Variants in AFF3 observed in about 807,000 individuals in gnomAD.
AFF3 encodes ALF transcription elongation factor 3.
In AFF3, 32 loss-of-function variants were observed where a neutral mutation model predicts 129.7. The observed-to-expected ratio is 0.25, with a 90% CI of 0.19 to 0.33. The LOEUF (loss-of-function observed/expected upper bound fraction) is 0.33, where lower values mean the gene tolerates loss of function less well. Among genes scored for constraint, AFF3 ranks in the 10% least tolerant of loss-of-function variants. AFF3 has a pLI of 1.00. For synonymous variants in AFF3, 644 were observed against 635.4 expected (o/e 1.01, Z -0.20); for missense variants, 1,373 against 1,592.0 (o/e 0.86, Z 2.34).
At chr2:99,988,390 T>C (rs1295282727) in intron 7 of AFF3, among the ~76,000 whole-genome samples, 3 of 152,266 alleles carry the variant, frequency 2.0e-5, no homozygotes, top group Middle Eastern at 3.4e-3. Context: ...ACAGTCAAGC[T>C]CTGAGTAGCT....
intron 7 of AFF3, among the ~76,000 whole-genome samples, chr2:99,917,119 G>T (rs1449286830): frequency 2.6e-5 from 4 of 152,162 alleles, no homozygotes; most frequent in South Asian, 4.1e-4. Flanking sequence ...GCAGATAAGG[G>T]TTTAATAAAG....
intron 7 of AFF3, among the ~76,000 whole-genome samples, chr2:99,854,259 A>G (rs1690360619): frequency 6.6e-6 from 1 of 152,096 alleles, no homozygotes; most frequent in Non-Finnish European, 1.5e-5. Flanking sequence ...AAAAAAAAAA[A>G]AAAAAGGAAT....
At chr2:100,105,347 C>G (rs1490392385) in intron 3 of AFF3, 157 bp downstream of exon 3, 3 of 1,237,460 alleles carry the variant, frequency 2.4e-6, no homozygotes, top group African/African-American at 1.6e-5. Flanking sequence ...TTTAAGGTCT[C>G]TGGAGCCCGC....
In AFF3 at chr2:99,593,738, C is replaced by T. The variant is rs1269896879; in HGVS notation, c.1923G>A (p.Leu641=). 1 of 1,612,958 alleles carries T rather than the reference C, an allele frequency of 6.2e-7. No individual in the cohort carries two copies. Among genetic ancestry groups the T allele is most frequent in the South Asian group, 1.1e-5 (1 of 91,012 alleles). ...GNNRASHRKE[L]RSSVTCEKRR... is the part of the protein sequence containing the mutation. ...GCTTCTCGCAGGTCACGGAGGAGCG[C>T]AGCTCCTTGCGGTGGCTCGCTCTGT... Residue 641 remains leucine (L), a synonymous_variant, in exon 15 of 25, where the codon CTG becomes CTA. Transcript: ENST00000672756.
At chr2:99,696,331 C>T (rs1676263538) in intron 11 of AFF3, among the ~76,000 whole-genome samples, 1 of 152,192 alleles carries the variant, frequency 6.6e-6, no homozygotes, top group Non-Finnish European at 1.5e-5. Flanking sequence ...GATTTACACA[C>T]AGGGAGCAGA....
intron 7 of AFF3, among the ~76,000 whole-genome samples, chr2:99,872,826 T>C (rs1691986445): frequency 1.3e-5 from 2 of 152,126 alleles, no homozygotes; most frequent in Admixed American, 1.3e-4. Context: ...ACTGATCTCA[T>C]CAAAAAAATT....
At chr2:99,961,819 G>A (rs1353115319) in intron 7 of AFF3, among the ~76,000 whole-genome samples, 1 of 152,232 alleles carries the variant, frequency 6.6e-6, no homozygotes, top group Non-Finnish European at 1.5e-5. Context: ...GGCAGTCCCG[G>A]TAAGTGCATT....
intron 11 of AFF3, among the ~76,000 whole-genome samples, chr2:99,703,834 T>C (rs1364591594): frequency 6.6e-6 from 1 of 152,244 alleles, no homozygotes; most frequent in Non-Finnish European, 1.5e-5. Context: ...GCACTGGGAT[T>C]ACAGGCATGA....
At chr2:99,651,531 TC>T (rs1685255939) in intron 12 of AFF3, among the ~76,000 whole-genome samples, 1 of 151,896 alleles carries the variant, frequency 6.6e-6, no homozygotes, top group Non-Finnish European at 1.5e-5. Flanking sequence ...AACCTCTGCC[TC>T]CCAGGTTCAA....
chr2:99,781,389 T>C (rs531445415), intron 8 of AFF3, among the ~76,000 whole-genome samples: 1 of 152,346 alleles, frequency 6.6e-6, no homozygotes, highest in East Asian at 1.9e-4. Flanking sequence ...CTGTTTATTA[T>C]CTCCCCTTGC....
intron 4 of AFF3, among the ~76,000 whole-genome samples, chr2:100,020,730 CA>C (rs1345806350): frequency 6.6e-6 from 1 of 152,192 alleles, no homozygotes; most frequent in Non-Finnish European, 1.5e-5. Context: ...CATACTTGTC[CA>C]ACTCTCTCCT....
At chr2:99,984,159 G>A (rs994318116) in intron 7 of AFF3, among the ~76,000 whole-genome samples, 1 of 152,122 alleles carries the variant, frequency 6.6e-6, no homozygotes, top group Non-Finnish European at 1.5e-5. Context: ...AATTTAAAAT[G>A]TGAAACTTCA....
intron 9 of AFF3, among the ~76,000 whole-genome samples, chr2:99,750,413 CTTTTCT>C (rs1367026504): frequency 6.8e-4 from 7 of 10,222 alleles, no homozygotes; most frequent in South Asian, 0.01. Flanking sequence ...TTTTTTTTTT[CTTTTCT>C]TTTTTTTTTT....
At chr2:99,983,165 G>C (rs934157889) in intron 7 of AFF3, among the ~76,000 whole-genome samples, 1 of 152,230 alleles carries the variant, frequency 6.6e-6, no homozygotes, top group Non-Finnish European at 1.5e-5. Flanking sequence ...AGAAGAGCCT[G>C]GTACAAGTAT....
At position 100,028,255 on chromosome 2, in the gene AFF3, C is replaced by A. The variant is rs115607623; in HGVS notation, c.54-19323G>T. On this transcript the variant is annotated intron_variant, in intron 4 of 24. Transcript: ENST00000672756. ...AATTTTGTATTTTGTAGAACATTTT[C>A]AGAATCTTTAAAAAGAACACTTTAC... Among the ~76,000 whole-genome samples the A allele has an allele frequency of 9.6e-3, 1,463 of 152,192 alleles. 21 individuals carry two copies. Among genetic ancestry groups the A allele is most frequent in the African/African-American group, 0.032 (1,337 of 41,516 alleles).
chr2:99,747,274 C>A (rs1247219011), intron 9 of AFF3, among the ~76,000 whole-genome samples: 1 of 152,114 alleles, frequency 6.6e-6, no homozygotes, highest in East Asian at 1.9e-4. Context: ...AAGTGATCCA[C>A]CTGCCTCGGC....
chr2:99,861,007 A>C (rs1032650306), intron 7 of AFF3, among the ~76,000 whole-genome samples: 6 of 152,158 alleles, frequency 3.9e-5, no homozygotes, highest in Admixed American at 3.3e-4. Context: ...CTTATAACTG[A>C]AAGTTTGTAC....
chr2:99,752,358 C>T (rs1681726398), intron 8 of AFF3, 57 bp from the exon 9 acceptor site: 9 of 1,472,174 alleles, frequency 6.1e-6, no homozygotes, highest in South Asian at 2.4e-5. Flanking sequence ...TTAAAATCAG[C>T]GGTATGTAAA....
chr2:100,114,839 C>T (rs190801089), intron 2 of AFF3, among the ~76,000 whole-genome samples: 15 of 152,278 alleles, frequency 9.9e-5, no homozygotes, highest in Non-Finnish European at 2.2e-4. Context: ...GAGTTCATTC[C>T]AAAATGAAAA....
Sources: gnomAD v4.1 joint callset for allele counts (sites outside exome capture counted in the v4.1 genomes callset) on GRCh38, gnomAD v4.1.1 for gene constraint, MANE v1.5 for transcripts, NCBI Gene and HGNC (gene_info 2026-07-23, HGNC 2026-07-21) for gene names.